The following GPC5 variants were observed in gnomAD, a reference collection of about 807,000 sequenced individuals.
GPC5 encodes the protein glypican 5, also known as glypican-5.
A neutral mutation model predicts 53.9 loss-of-function variants in GPC5; 47 were observed. The ratio of observed to expected loss-of-function variants is 0.87; its 90% confidence interval spans 0.69 to 1.11. GPC5 has a LOEUF of 1.11. Among genes scored for constraint, GPC5 ranks in the 50% most tolerant of loss-of-function variants. GPC5 has a pLI of 0.00. For missense variants in GPC5, 748 were observed against 713.1 expected (o/e 1.05, Z -0.56); for synonymous variants, 286 against 263.3 (o/e 1.09, Z -0.84).
chr13:92,296,359 A>G (rs2043034345), intron 7 of GPC5, among the ~76,000 whole-genome samples: 1 of 152,020 alleles, frequency 6.6e-6, no homozygotes, highest in Admixed American at 6.6e-5. Flanking sequence ...GTGGGTAGGG[A>G]AGGGCCACTG....
intron 1 of GPC5, among the ~76,000 whole-genome samples, chr13:91,438,745 C>T (rs1212664290): frequency 6.6e-6 from 1 of 152,210 alleles, no homozygotes; most frequent in African/African-American, 2.4e-5. Flanking sequence ...TTGGCAATGC[C>T]CTGCCCCCAG....
At chr13:91,562,437 C>G (rs1001148511) in intron 2 of GPC5, among the ~76,000 whole-genome samples, 1 of 151,790 alleles carries the variant, frequency 6.6e-6, no homozygotes, top group African/African-American at 2.4e-5. Context: ...AGCATATGTT[C>G]TATGATTAAA....
chr13:91,425,898 T>A (rs1477864786), intron 1 of GPC5, among the ~76,000 whole-genome samples: 1 of 152,078 alleles, frequency 6.6e-6, no homozygotes, highest in African/African-American at 2.4e-5. Context: ...CTGATAGTGA[T>A]GTGAACAAGG....
At chr13:92,219,801 C>T (rs2042436144) in intron 7 of GPC5, among the ~76,000 whole-genome samples, 1 of 152,108 alleles carries the variant, frequency 6.6e-6, no homozygotes, top group Admixed American at 6.5e-5. Flanking sequence ...TGATTGTGGA[C>T]CACTACTTTA....
At chr13:92,621,755 G>T (rs1030402135) in intron 7 of GPC5, among the ~76,000 whole-genome samples, 2 of 152,038 alleles carry the variant, frequency 1.3e-5, no homozygotes, top group African/African-American at 4.8e-5. Flanking sequence ...GGATGCCGAG[G>T]TTGCAGTGAA....
intron 6 of GPC5, among the ~76,000 whole-genome samples, chr13:92,018,326 G>T (rs2040727102): frequency 6.6e-6 from 1 of 151,912 alleles, no homozygotes; most frequent in South Asian, 2.1e-4. Flanking sequence ...TTAAAAAAAG[G>T]TTTCACCTAA....
intron 2 of GPC5, among the ~76,000 whole-genome samples, chr13:91,554,599 CA>C (rs2030837452): frequency 6.6e-6 from 1 of 152,066 alleles, no homozygotes; most frequent in South Asian, 2.1e-4. Context: ...AAATCCTTTT[CA>C]AAACAAAAGC....
intron 7 of GPC5, among the ~76,000 whole-genome samples, chr13:92,341,533 G>GA (rs993292794): frequency 1.4e-4 from 22 of 151,990 alleles, no homozygotes; most frequent in African/African-American, 3.4e-4. Context: ...TTGTTTTACA[G>GA]AAAAAAATGT....
chr13:92,401,817 C>A (rs1875570928), intron 7 of GPC5, among the ~76,000 whole-genome samples: 1 of 152,082 alleles, frequency 6.6e-6, no homozygotes. Context: ...AAAGACATTA[C>A]ATTGTTATGT....
chr13:92,184,751 A>G (rs1386072092), intron 7 of GPC5, among the ~76,000 whole-genome samples: 2 of 152,196 alleles, frequency 1.3e-5, no homozygotes, highest in Non-Finnish European at 2.9e-5. Context: ...CTACCATATT[A>G]TATGAGTGTA....
intron 7 of GPC5, among the ~76,000 whole-genome samples, chr13:92,272,782 T>C (rs980910639): frequency 2.0e-5 from 3 of 152,178 alleles, no homozygotes; most frequent in East Asian, 3.9e-4. Context: ...CAAAGTGGAA[T>C]AATTAGAATC....
intron 7 of GPC5, among the ~76,000 whole-genome samples, chr13:92,699,049 T>C (rs570651969): frequency 1.3e-5 from 2 of 152,306 alleles, no homozygotes; most frequent in South Asian, 4.1e-4. Context: ...TGAATCCGTC[T>C]GGTCCTAGAC....
At chr13:92,182,780 A>G (rs1002311107) in intron 7 of GPC5, among the ~76,000 whole-genome samples, 22 of 151,970 alleles carry the variant, frequency 1.4e-4, no homozygotes, top group Non-Finnish European at 2.4e-4. Flanking sequence ...GAGGCGGGAG[A>G]ATGGCGTGAA....
chr13:92,697,379 A>G (rs971667000), intron 7 of GPC5, among the ~76,000 whole-genome samples: 3 of 152,138 alleles, frequency 2.0e-5, no homozygotes, highest in African/African-American at 7.2e-5. Context: ...TTCCTTGTGC[A>G]GTGGTTTGTA....
intron 7 of GPC5, among the ~76,000 whole-genome samples, chr13:92,324,091 G>C (rs1356887185): frequency 6.6e-6 from 1 of 151,888 alleles, no homozygotes; most frequent in Admixed American, 6.6e-5. Context: ...GGTTTACTTA[G>C]TAAAGATTTA....
At chr13:91,639,681 C>G (rs995081246) in intron 2 of GPC5, among the ~76,000 whole-genome samples, 4 of 152,074 alleles carry the variant, frequency 2.6e-5, no homozygotes, top group Non-Finnish European at 5.9e-5. Context: ...CTGACGCAGT[C>G]ACAGTCCTGG....
At chr13:91,489,619 A>C (rs1883819932) in intron 2 of GPC5, among the ~76,000 whole-genome samples, 1 of 152,186 alleles carries the variant, frequency 6.6e-6, no homozygotes, top group Non-Finnish European at 1.5e-5. Flanking sequence ...AGGCTACTTC[A>C]ACTTTTCTTT....
chr13:92,286,703 G>C (rs1329124786), intron 7 of GPC5, among the ~76,000 whole-genome samples: 2 of 149,346 alleles, frequency 1.3e-5, no homozygotes, highest in Non-Finnish European at 1.5e-5. Context: ...CTTGGACACA[G>C]GAAGGGGAAC....
chr13:91,857,965 C>A (rs1234934422), intron 5 of GPC5, among the ~76,000 whole-genome samples: 2 of 151,320 alleles, frequency 1.3e-5, no homozygotes, highest in Non-Finnish European at 3.0e-5. Context: ...CCACAGCAAA[C>A]CCCAGTTAAT....
Sources: allele counts gnomAD v4.1 joint callset (sites outside exome capture counted in the v4.1 genomes callset), GRCh38; gene constraint gnomAD v4.1.1; transcripts MANE v1.5; gene names NCBI Gene and HGNC (gene_info 2026-07-23, HGNC 2026-07-21).